Variants in SCUBE1 observed in about 807,000 individuals in gnomAD.
SCUBE1 encodes signal peptide, CUB and EGF-like domain-containing protein 1.
Under a neutral mutation model 124.4 loss-of-function variants are expected in SCUBE1, and 59 were observed. The observed-to-expected ratio is 0.47, with a 90% CI of 0.38 to 0.59. The LOEUF (loss-of-function observed/expected upper bound fraction) is 0.59. Among genes scored for constraint, SCUBE1 ranks in the 20% least tolerant of loss-of-function variants. The probability of loss-of-function intolerance (pLI) is 0.00; values close to 1 mark genes in which losing one functional copy is unlikely to be tolerated. For missense variants in SCUBE1, 1,150 were observed against 1,371.2 expected, an observed-to-expected ratio of 0.84 and a Z score of 2.55; for synonymous variants, 545 against 550.9, an observed-to-expected ratio of 0.99 and a Z score of 0.15.
chr22:43,301,976 G>A (rs1925790124), intron 3 of SCUBE1, among the ~76,000 whole-genome samples: 1 of 152,242 alleles, frequency 6.6e-6, no homozygotes, highest in South Asian at 2.1e-4. Flanking sequence ...ATGAGGCCCT[G>A]CAGCCCCAGG....
intron 10 of SCUBE1, 88 bp downstream of exon 10, chr22:43,227,286 T>C: frequency 1.4e-6 from 2 of 1,445,952 alleles, no homozygotes; most frequent in Non-Finnish European, 1.9e-6. Flanking sequence ...GGGGCTGTCC[T>C]GCTCACCCCC....
At chr22:43,237,257 T>C (rs1396580632) in intron 7 of SCUBE1, among the ~76,000 whole-genome samples, 2 of 152,158 alleles carry the variant, frequency 1.3e-5, no homozygotes, top group African/African-American at 2.4e-5. Flanking sequence ...CCAATCCCAG[T>C]AGCCCCCTCT....
chr22:43,336,158 T>C (rs1271332756), intron 2 of SCUBE1, among the ~76,000 whole-genome samples: 1 of 152,120 alleles, frequency 6.6e-6, no homozygotes, highest in Admixed American at 6.5e-5. Context: ...TGACCTGTGA[T>C]GGGGAGTATT....
Position 43,198,546 on chromosome 22 carries a change from C to T in SCUBE1, c.*5451G>A, listed in dbSNP as rs1472142457. The stretch of plus-strand genomic sequence containing the variant: ...GCGGTAGAATAGGAGGCGCTCTCTG[C>T]TCTCTCTCCACATCCTCACTCCACC... On this transcript the variant is annotated 3_prime_UTR_variant, in exon 22 of 22. Transcript: ENST00000360835. The T allele has an allele frequency of 2.2e-6, 1 of 456,586 alleles. No homozygotes were observed. Among genetic ancestry groups the T allele is most frequent in the African/African-American group, 2.0e-5 (1 of 50,090 alleles). The allele number at this position is 456,586 out of a possible 1,614,324, so 28.3% of individuals were successfully genotyped here. A position where few individuals can be genotyped will look rare whatever the true frequency, so the allele number is the denominator to read the frequency against.
intron 4 of SCUBE1, among the ~76,000 whole-genome samples, chr22:43,281,539 G>GCCACCC (rs1569011065): frequency 2.4e-4 from 12 of 50,296 alleles, no homozygotes; most frequent in South Asian, 2.0e-3. Context: ...ACCTCCCTCA[G>GCCACCC]TCACCCTCCT....
At chr22:43,340,263 T>A (rs1270140673) in intron 1 of SCUBE1, among the ~76,000 whole-genome samples, 1 of 151,918 alleles carries the variant, frequency 6.6e-6, no homozygotes, top group Non-Finnish European at 1.5e-5. Context: ...CCCCACATGG[T>A]CCTCCCTCCT....
rs567886142 is a variant in SCUBE1 at position 43,244,095 on chromosome 22, C to T, written c.728-5141G>A. On this transcript the variant is annotated intron_variant, in intron 6 of 21. Coordinates refer to ENST00000360835, the MANE Select transcript of SCUBE1 (RefSeq NM_173050.5). ...CAACAGTTTATGGAGTGGCGGGGGG[C>T]ATGAAATAAGGCCCAGACCTCGCCT... Among the ~76,000 whole-genome samples the T allele has an allele frequency of 1.5e-3, 227 of 151,888 alleles. 2 individuals carry two copies. Among genetic ancestry groups the T allele is most frequent in the Non-Finnish European group, 2.4e-3 (160 of 67,816 alleles).
chr22:43,236,649 A>G (rs1922775043), intron 7 of SCUBE1, among the ~76,000 whole-genome samples: 1 of 152,158 alleles, frequency 6.6e-6, no homozygotes, highest in South Asian at 2.1e-4. Flanking sequence ...CTCTGGCAAC[A>G]GTCACAGTGC....
Position 43,212,526 on chromosome 22 carries a change from G to A in SCUBE1, c.2120C>T (p.Thr707Met), listed in dbSNP as rs376531534. Residue 707 changes from threonine (T) to methionine (M), a missense_variant, in exon 17 of 22, where the codon ACG (threonine) becomes ATG (methionine). Transcript: ENST00000360835. The stretch of plus-strand genomic sequence containing the variant: ...GGTGCGCCCGGGCTCAGGCTGGTAC[G>A]TGCCCACGGGGCAGGCCTGGCAGGG... ...FKPCQACPVG[T>M]YQPEPGRTGC... is the part of the protein sequence containing the mutation. The A allele has an allele frequency of 1.8e-5, 28 of 1,561,528 alleles. No individual in the cohort carries two copies. Among genetic ancestry groups the A allele is most frequent in the Middle Eastern group, 1.7e-4 (1 of 5,760 alleles).
intron 9 of SCUBE1, among the ~76,000 whole-genome samples, 169 bp from the exon 10 acceptor site, chr22:43,227,665 G>T (rs1922380886): frequency 1.3e-5 from 2 of 152,124 alleles, no homozygotes; most frequent in Admixed American, 1.3e-4. Context: ...ACACGCGTGG[G>T]TTTATAAGGC....
intron 7 of SCUBE1, chr22:43,238,539 T>G (rs1256781777): frequency 3.4e-6 from 2 of 593,906 alleles, no homozygotes; most frequent in African/African-American, 3.7e-5. Context: ...AGACGCTGGC[T>G]TAACTGTTTA....
chr22:43,203,453 C>A lies in SCUBE1; in HGVS notation c.*544G>T, dbSNP rs555843743. On this transcript the variant is annotated 3_prime_UTR_variant, in exon 22 of 22. Transcript: ENST00000360835. ...GGAATGCAGAAACTTCCAGTCTCCT[C>A]CCCAGCAGCTCTGTTCCATCCAATC... is the stretch of plus-strand genomic sequence containing the variant. The A allele has an allele frequency of 6.6e-6, 1 of 152,054 alleles. No homozygotes were observed. The highest frequency in any genetic ancestry group is 2.4e-5 in the African/African-American group (1 of 41,412). The allele number at this position is 152,054 out of a possible 1,614,324, so 9.4% of individuals were successfully genotyped here. A position where few individuals can be genotyped will look rare whatever the true frequency, so the allele number is the denominator to read the frequency against.
rs1204498661 is a variant in SCUBE1 at position 43,205,660 on chromosome 22, C to T, written c.2815-1511G>A. Among the ~76,000 whole-genome samples the T allele has an allele frequency of 7.0e-3, 982 of 139,356 alleles. 26 individuals are homozygous for T. The highest frequency in any genetic ancestry group is 0.026 in the African/African-American group (923 of 35,144). 91.4% of individuals were successfully genotyped at this position (139,356 alleles called of 152,430 possible). A position where few individuals can be genotyped will look rare whatever the true frequency, so the allele number is the denominator to read the frequency against. On this transcript the variant is annotated intron_variant, in intron 21 of 21. Coordinates refer to ENST00000360835, the MANE Select transcript of SCUBE1 (RefSeq NM_173050.5). ...CTCACCACACACTCACCCCCACACA[C>T]ACCACACACCCACTCACCACTCACT...
intron 7 of SCUBE1, 71 bp from the exon 8 acceptor site, chr22:43,231,946 C>G (rs1569502824): frequency 1.3e-6 from 2 of 1,581,064 alleles, no homozygotes; most frequent in East Asian, 4.5e-5. Flanking sequence ...GGGGGGACGG[C>G]AGGCTAGCGG....
At position 43,201,246 on chromosome 22, in the gene SCUBE1, G is replaced by A. The variant is rs867838123; in HGVS notation, c.*2751C>T. 7.9e-6 allele frequency: 1 copy of A among 126,312 alleles called. No individual in the cohort carries two copies. Among genetic ancestry groups the A allele is most frequent in the Non-Finnish European group, 1.6e-5 (1 of 63,510 alleles). The allele number at this position is 126,312 out of a possible 1,614,324, so 7.8% of individuals were successfully genotyped here. A position where few individuals can be genotyped will look rare whatever the true frequency, so the allele number is the denominator to read the frequency against. ...GTGAACCCGGGAGGCGGAGCTTGCA[G>A]TGAACCAAGATCGCGCCACTGCACT... On this transcript the variant is annotated 3_prime_UTR_variant, in exon 22 of 22. Coordinates refer to ENST00000360835, the MANE Select transcript of SCUBE1 (RefSeq NM_173050.5).
rs145122542 is a variant in SCUBE1, at chr22:43,236,093, C to T, written c.844+2745G>A. On this transcript the variant is annotated intron_variant, in intron 7 of 21. Coordinates refer to ENST00000360835, the MANE Select transcript of SCUBE1 (RefSeq NM_173050.5). ...CATTGACATTTTGGCTTTCAGAAAA[C>T]GTGGAGCCTTTGAACTCTCTCCTTT... Among the ~76,000 whole-genome samples, 12 of 152,356 alleles carry T rather than the reference C, an allele frequency of 7.9e-5. No individual in the cohort carries two copies. The East Asian group carries it at 1.5e-3, about 20-fold the overall frequency.
intron 20 of SCUBE1, 26 bp from the exon 21 acceptor site, chr22:43,207,639 A>G: frequency 6.3e-7 from 1 of 1,587,750 alleles, no homozygotes; most frequent in South Asian, 1.1e-5. Flanking sequence ...GCAGGGGGAG[A>G]GGAAGGCGAG....
chr22:43,269,451 G>A (rs56157538), intron 4 of SCUBE1, among the ~76,000 whole-genome samples: 1 of 152,302 alleles, frequency 6.6e-6, no homozygotes, highest in African/African-American at 2.4e-5. Flanking sequence ...TAGGAGTGGG[G>A]CCTTTCTTGC....
At position 43,319,142 on chromosome 22, in the gene SCUBE1, C is replaced by T. The variant is rs144271264; in HGVS notation, c.349+795G>A. 2.1e-4 allele frequency among the ~76,000 whole-genome samples: 32 copies of T among 152,224 alleles called. 1 individual carries two copies. Among genetic ancestry groups the T allele is most frequent in the African/African-American group, 7.0e-4 (29 of 41,534 alleles). On this transcript the variant is annotated intron_variant, in intron 3 of 21. Transcript: ENST00000360835. ...TTCCTTTGTTGAAGGAATTCAACAC[C>T]CAGTACCTCAAAACGTGACTGTATT...
Sources: gnomAD v4.1 joint callset for allele counts (sites outside exome capture counted in the v4.1 genomes callset) on GRCh38, gnomAD v4.1.1 for gene constraint, MANE v1.5 for transcripts, NCBI Gene and HGNC (gene_info 2026-07-23, HGNC 2026-07-21) for gene names.